The following MON1B variants were observed in gnomAD, a reference collection of about 807,000 sequenced individuals.
The protein encoded by MON1B is MON1 vesicular trafficking associated B, also known as vacuolar fusion protein MON1 homolog B.
A neutral mutation model predicts 45.1 loss-of-function variants in MON1B; 26 were observed. That is an observed-to-expected ratio of 0.58 (90% CI 0.42 to 0.80). The LOEUF (loss-of-function observed/expected upper bound fraction) is 0.80. Ranked by LOEUF, MON1B falls within the 30% of genes least tolerant of loss-of-function variation. MON1B has a pLI of 0.00. For synonymous variants in MON1B, 395 were observed against 320.2 expected (o/e 1.23, Z -2.49); for missense variants, 737 against 754.5 (o/e 0.98, Z 0.27).
At chr16:77,191,369 C>A in intron 1 of MON1B, 107 bp from the exon 2 acceptor site, 1 of 1,579,818 alleles carries the variant, frequency 6.3e-7, no homozygotes, top group South Asian at 1.1e-5. Flanking sequence ...CTATTGAAAT[C>A]CGTGGGGAAA....
At chr16:77,197,773 G>C (rs1044189850) in intron 5 of MON1B, among the ~76,000 whole-genome samples, 3 of 152,152 alleles carry the variant, frequency 2.0e-5, no homozygotes, top group Non-Finnish European at 4.4e-5. Context: ...TGAAAACATA[G>C]TTGTAGGAGC....
chr16:77,195,654 T>A lies in MON1B; in HGVS notation c.1415T>A (p.Val472Glu), dbSNP rs769222989. The change falls in exon 5 of 6, where the codon GTG becomes GAG. Residue 472 changes from valine (V) to glutamate (E), a missense_variant. Physicochemically the swap from Val to Glu is moderately radical, Grantham distance 121. Transcript: ENST00000248248. ...TSRPLRLIYH[V>E]AEKETLLAWV... The stretch of plus-strand genomic sequence containing the variant: ...CGACCCCTGCGCCTCATTTACCACG[T>A]GGCTGAGAAGGAGACACTACTGGCC... 3 of 1,614,114 alleles carry A rather than the reference T, an allele frequency of 1.9e-6. No homozygotes were observed. Among genetic ancestry groups the A allele is most frequent in the South Asian group, 2.2e-5 (2 of 91,088 alleles).
chr16:77,193,458 G>A lies in MON1B; in HGVS notation c.156G>A (p.Lys52=). 1 of 1,550,124 alleles carries A rather than the reference G, an allele frequency of 6.5e-7. No individual in the cohort carries two copies. The highest frequency in any genetic ancestry group is 8.7e-7 in the Non-Finnish European group (1 of 1,147,412). Residue 52 remains lysine, a synonymous_variant, in exon 3 of 6, where the codon AAG becomes AAA. Transcript: ENST00000248248. This position sits in a 1 kb window ranked among gnomAD's most constrained non-coding sequence, Gnocchi z 5.0. The part of the protein sequence containing the change: ...EDEGLEETGS[K]DKDQPPSPSP... The stretch of plus-strand genomic sequence containing the variant: ...CCAGGGGCTCCCTTTCAGGATCCAA[G>A]GACAAGGACCAGCCACCCAGCCCAT...
At position 77,202,051 on chromosome 16, in the gene MON1B, T is replaced by A. The variant is rs538141899; in HGVS notation, c.*3743T>A. On this transcript the variant is annotated 3_prime_UTR_variant, in exon 6 of 6. Transcript: ENST00000248248. ...GTAGAGGCATTTTTGTGATTTATTG[T>A]TCTATTTTTTCTTCTAGAAAAATGT... 7.2e-5 allele frequency: 11 copies of A among 152,328 alleles called. No individual in the cohort carries two copies. Among genetic ancestry groups the A allele is most frequent in the South Asian group, 4.1e-4 (2 of 4,828 alleles). The allele number at this position is 152,328 out of a possible 1,614,324, so 9.4% of individuals were successfully genotyped here.
At chr16:77,192,558 G>A (rs1466093238) in intron 2 of MON1B, among the ~76,000 whole-genome samples, 1 of 152,194 alleles carries the variant, frequency 6.6e-6, no homozygotes, top group East Asian at 1.9e-4. Context: ...AGTCATTAAA[G>A]TCTTGTGTGT....
At position 77,199,350 on chromosome 16, in the gene MON1B, CGCGGGTTGCACG is replaced by C; in HGVS notation, c.*1043_*1054del. 2.5e-6 allele frequency: 3 copies of C among 1,194,070 alleles called. No individual in the cohort carries two copies. The South Asian group carries it at 4.2e-5, about 17-fold the overall frequency. The allele number at this position is 1,194,070 out of a possible 1,614,324, so 74.0% of individuals were successfully genotyped here. On this transcript the variant is annotated 3_prime_UTR_variant, in exon 6 of 6. Transcript: ENST00000248248. Reference sequence around the variant, plus strand: ...CTCCTGATTTAACCGCTGGCGTAACCGCGGGTTGCACGCATGCGTGCTGAAAAGCCTTTCACC... The same window carrying C: ...CTCCTGATTTAACCGCTGGCGTAACCCATGCGTGCTGAAAAGCCTTTCACC...
chr16:77,195,682 G>A lies in MON1B; in HGVS notation c.1443G>A (p.Trp481Ter). The A allele has an allele frequency of 3.7e-6, 6 of 1,614,056 alleles. No homozygotes were observed. The highest frequency in any genetic ancestry group is 5.1e-6 in the Non-Finnish European group (6 of 1,179,944). Residue 481 changes from tryptophan (W) to a stop codon, truncating the protein, a stop_gained and splice_region_variant, in exon 5 of 6, where the codon TGG (tryptophan) becomes TGA (stop). Coordinates refer to ENST00000248248, the MANE Select transcript of MON1B (RefSeq NM_014940.4). LOFTEE classifies it high-confidence loss of function. The part of the protein sequence containing the change: ...HVAEKETLLA[W>*]VTSKFELYTC... ...CTGAGAAGGAGACACTACTGGCCTG[G>A]GTAAGTTGGGCAGGGCTCTGAGTGA...
chr16:77,199,423 A>G lies in MON1B; in HGVS notation c.*1115A>G, dbSNP rs2054704300. On this transcript the variant is annotated 3_prime_UTR_variant, in exon 6 of 6. Coordinates refer to ENST00000248248, the MANE Select transcript of MON1B (RefSeq NM_014940.4). Reference sequence around the variant, plus strand: ...TTCTTTTTTAACCAGTCATCAAGCGAGGCTCGCGCGCAGGCCCCGCGTTGG... The same window carrying G: ...TTCTTTTTTAACCAGTCATCAAGCGGGGCTCGCGCGCAGGCCCCGCGTTGG... 1 of 1,550,448 alleles carries G rather than the reference A, an allele frequency of 6.4e-7. No individual in the cohort carries two copies. The highest frequency in any genetic ancestry group is 2.0e-5 in the Admixed American group (1 of 50,924).
chr16:77,199,525 A>G lies in MON1B; in HGVS notation c.*1217A>G, dbSNP rs1356457143. The G allele has an allele frequency of 1.9e-6, 3 of 1,547,846 alleles. No homozygotes were observed. Among genetic ancestry groups the G allele is most frequent in the South Asian group, 2.4e-5 (2 of 83,970 alleles). On this transcript the variant is annotated 3_prime_UTR_variant, in exon 6 of 6. Transcript: ENST00000248248. Reference sequence around the variant, plus strand: ...GAGGAGGCTGAAGGTAGTGAGGGCAAGTGGGCTGCACTCCTTTCTCTCCAA... The same window carrying G: ...GAGGAGGCTGAAGGTAGTGAGGGCAGGTGGGCTGCACTCCTTTCTCTCCAA...
chr16:77,194,846 CT>C lies in MON1B; in HGVS notation c.989del (p.Phe330SerfsTer106), dbSNP rs1410739642. 1 of 1,610,998 alleles carries C rather than the reference CT, an allele frequency of 6.2e-7. No individual in the cohort carries two copies. The highest frequency in any genetic ancestry group is 1.7e-5 in the Admixed American group (1 of 60,034). On this transcript the variant is annotated frameshift_variant, in exon 4 of 6. Coordinates refer to ENST00000248248, the MANE Select transcript of MON1B (RefSeq NM_014940.4). LOFTEE classifies it high-confidence loss of function. This position sits in a 1 kb window ranked among gnomAD's most constrained non-coding sequence, Gnocchi z 8.1. ...CTTGGGCACCTGTGTGCCTGCCCCG[CT>C]TCAACCCTGATGGTTTTTTCTACGC... is the stretch of plus-strand genomic sequence containing the variant. ...EAWAPVCLPR[F>X]NPDGFFYAYV...
At position 77,200,273 on chromosome 16, in the gene MON1B, T is replaced by TATATATATATA; in HGVS notation, c.*1965_*1966insATATATATATA. ...GTATATGTGTATATATATATATATG[T>TATATATATATA]GTATATATATATATATATACACACA... On this transcript the variant is annotated 3_prime_UTR_variant, in exon 6 of 6. Transcript: ENST00000248248. 1 of 90,422 alleles carries TATATATATATA rather than the reference T, an allele frequency of 1.1e-5. No individual in the cohort carries two copies. Among genetic ancestry groups the TATATATATATA allele is most frequent in the Non-Finnish European group, 2.5e-5 (1 of 39,514 alleles). The allele number at this position is 90,422 out of a possible 1,614,324, so 5.6% of individuals were successfully genotyped here. A position where few individuals can be genotyped will look rare whatever the true frequency, so the allele number is the denominator to read the frequency against.
Position 77,194,176 on chromosome 16 carries a change from C to T in MON1B, c.476-159C>T. The T allele has an allele frequency of 1.4e-6, 1 of 728,456 alleles. No homozygotes were observed. The highest frequency in any genetic ancestry group is 2.4e-6 in the Non-Finnish European group (1 of 412,286). The allele number at this position is 728,456 out of a possible 1,614,324, so 45.1% of individuals were successfully genotyped here. On this transcript the variant is annotated intron_variant, in intron 3 of 5. Transcript: ENST00000248248. The surrounding 1 kb of genome is among the most constrained non-coding windows in gnomAD (Gnocchi z 8.1). ...CATGTCTCTGCAAATGTCCAGATTC[C>T]TCCAGCTTGTCCTTACCCCAGTCCA...
Position 77,199,101 on chromosome 16 carries a change from A to C in MON1B, c.*793A>C, listed in dbSNP as rs1169776689. On this transcript the variant is annotated 3_prime_UTR_variant, in exon 6 of 6. Transcript: ENST00000248248. ...CAGACTCGAACTATTGTGTACCACC[A>C]CATAGCACATGCACGTCTGTCCCAG... 7.4e-6 allele frequency: 2 copies of C among 270,424 alleles called. No homozygotes were observed. Among genetic ancestry groups the C allele is most frequent in the Non-Finnish European group, 6.9e-6 (1 of 144,070 alleles). The allele number at this position is 270,424 out of a possible 1,614,324, so 16.8% of individuals were successfully genotyped here.
chr16:77,199,437 G>C lies in MON1B; in HGVS notation c.*1129G>C. The C allele has an allele frequency of 6.4e-7, 1 of 1,551,456 alleles. No homozygotes were observed. ...GTCATCAAGCGAGGCTCGCGCGCAG[G>C]CCCCGCGTTGGAAAATGGCGGGGAA... On this transcript the variant is annotated 3_prime_UTR_variant, in exon 6 of 6. Coordinates refer to ENST00000248248, the MANE Select transcript of MON1B (RefSeq NM_014940.4).
At chr16:77,192,714 C>A (rs565417582) in intron 2 of MON1B, among the ~76,000 whole-genome samples, 1 of 151,932 alleles carries the variant, frequency 6.6e-6, no homozygotes, top group African/African-American at 2.4e-5. Flanking sequence ...GGGGAGTAGA[C>A]ATGGAGTAGA....
At chr16:77,192,702 G>C (rs753655605) in intron 2 of MON1B, among the ~76,000 whole-genome samples, 2 of 152,100 alleles carry the variant, frequency 1.3e-5, no homozygotes, top group Non-Finnish European at 2.9e-5. Context: ...GTTGGGGGTA[G>C]GGGGGAGTAG....
At position 77,195,072 on chromosome 16, in the gene MON1B, G is replaced by C. The variant is rs760007543; in HGVS notation, c.1213G>C (p.Val405Leu). ...ASAPAYSVQA[V>L]GAPGLRHFLY... The stretch of plus-strand genomic sequence containing the variant: ...TGCTCCTGCCTACAGCGTGCAGGCT[G>C]TCGGGGCGCCGGGCCTCCGGCACTT... Residue 405 changes from valine (V) to leucine (L), a missense_variant, in exon 4 of 6, where the codon GTC becomes CTC. Physicochemically the swap from Val to Leu is conservative, Grantham distance 32 (BLOSUM62 1). Coordinates refer to ENST00000248248, the MANE Select transcript of MON1B (RefSeq NM_014940.4). 6.2e-7 allele frequency: 1 copy of C among 1,607,214 alleles called. No individual in the cohort carries two copies. Among genetic ancestry groups the C allele is most frequent in the Admixed American group, 1.7e-5 (1 of 59,988 alleles).
chr16:77,198,645 A>C lies in MON1B; in HGVS notation c.*337A>C. 1 of 346,710 alleles carries C rather than the reference A, an allele frequency of 2.9e-6. No individual in the cohort carries two copies. Among genetic ancestry groups the C allele is most frequent in the Non-Finnish European group, 5.5e-6 (1 of 183,044 alleles). The allele number at this position is 346,710 out of a possible 1,614,324, so 21.5% of individuals were successfully genotyped here. A position where few individuals can be genotyped will look rare whatever the true frequency, so the allele number is the denominator to read the frequency against. ...GCTTCCGTGGTCTGCCTCCTAGTTG[A>C]ATCTCAGCCCTGAGTGTCCAGATCT... is the stretch of plus-strand genomic sequence containing the variant. On this transcript the variant is annotated 3_prime_UTR_variant, in exon 6 of 6. Transcript: ENST00000248248.
rs2054693456 is a variant in MON1B, at chr16:77,198,629, G to A, written c.*321G>A. The A allele has an allele frequency of 2.7e-6, 1 of 372,174 alleles. No homozygotes were observed. Among genetic ancestry groups the A allele is most frequent in the South Asian group, 2.8e-5 (1 of 35,980 alleles). 23.1% of individuals were successfully genotyped at this position (372,174 alleles called of 1,614,324 possible). A position where few individuals can be genotyped will look rare whatever the true frequency, so the allele number is the denominator to read the frequency against. ...TGTCCCCTCCAAACTTGCTTCCGTG[G>A]TCTGCCTCCTAGTTGAATCTCAGCC... is the stretch of plus-strand genomic sequence containing the variant. On this transcript the variant is annotated 3_prime_UTR_variant, in exon 6 of 6. Coordinates refer to ENST00000248248, the MANE Select transcript of MON1B (RefSeq NM_014940.4).
Sources: allele counts gnomAD v4.1 joint callset (sites outside exome capture counted in the v4.1 genomes callset), GRCh38; gene constraint gnomAD v4.1.1; non-coding constraint Gnocchi (gnomAD v3.1); transcripts MANE v1.5; gene names NCBI Gene and HGNC (gene_info 2026-07-23, HGNC 2026-07-21).